Variants in SLC26A3 observed in about 807,000 individuals in gnomAD.
The protein encoded by SLC26A3 is solute carrier family 26 member 3, also known as chloride anion exchanger.
SLC26A3 carries 64 observed loss-of-function variants against 85.6 expected under a neutral mutation model. That is an observed-to-expected ratio of 0.75 (90% CI 0.61 to 0.92). The LOEUF is 0.92. Among genes scored for constraint, SLC26A3 ranks in the 40% least tolerant of loss-of-function variants. The pLI, the probability that SLC26A3 is intolerant of heterozygous loss-of-function variation, is 0.00. For synonymous variants in SLC26A3, 349 were observed against 336.0 expected (o/e 1.04, Z -0.42); for missense variants, 922 against 927.3 (o/e 0.99, Z 0.07).
rs1562878297 is a variant in SLC26A3 at position 107,782,884 on chromosome 7, T to C, written c.1234-10A>G. On this transcript the variant is annotated splice_polypyrimidine_tract_variant and intron_variant, in intron 10 of 20. Coordinates refer to ENST00000340010, the MANE Select transcript of SLC26A3 (RefSeq NM_000111.3). ...CAATAAGCCCAGCAATCTGTGAGGA[T>C]AAAAAAATTATCATCACCAACTCAA... 1 of 1,614,020 alleles carries C rather than the reference T, an allele frequency of 6.2e-7. No individual in the cohort carries two copies. Among genetic ancestry groups the C allele is most frequent in the Non-Finnish European group, 8.5e-7 (1 of 1,179,958 alleles).
At chr7:107,779,787 T>C in intron 11 of SLC26A3, 24 bp from the exon 12 acceptor site, 6 of 1,585,500 alleles carry the variant, frequency 3.8e-6, no homozygotes, top group Non-Finnish European at 5.2e-6. Context: ...AAACATCAGA[T>C]GTACTTTAAG....
At chr7:107,797,288 G>T (rs1407632663) in intron 1 of SLC26A3, among the ~76,000 whole-genome samples, 1 of 152,176 alleles carries the variant, frequency 6.6e-6, no homozygotes, top group Non-Finnish European at 1.5e-5. Context: ...GAGGTCAGGG[G>T]TTCAAGACCA....
At position 107,772,093 on chromosome 7, in the gene SLC26A3, T is replaced by A. The variant is rs754158974; in HGVS notation, c.2023A>T (p.Ile675Phe). 4 of 1,610,648 alleles carry A rather than the reference T, an allele frequency of 2.5e-6. No homozygotes were observed. The Admixed American group carries it at 5.0e-5, about 20-fold the overall frequency. The change falls in exon 18 of 21, where the codon ATC becomes TTC. Residue 675 changes from isoleucine to phenylalanine, a missense_variant. Transcript: ENST00000340010. ...ATATACACATCTACCTTGATCCTGA[T>A]AAATTCTTGCAAAATCTGTTAAAAA... ...RGLKSILQEF[I>F]RIKVDVYIVG...
chr7:107,781,608 T>TCTATTTC, intron 11 of SLC26A3, among the ~76,000 whole-genome samples: 1 of 152,278 alleles, frequency 6.6e-6, no homozygotes, highest in Middle Eastern at 3.4e-3. Context: ...AGTGGTGACT[T>TCTATTTC]TTTCATTCCT....
At chr7:107,793,614 G>T in intron 3 of SLC26A3, 128 bp downstream of exon 3, 1 of 722,060 alleles carries the variant, frequency 1.4e-6, no homozygotes, top group South Asian at 1.9e-5. Context: ...TGGTGGTGGT[G>T]AAAATGTTCC....
At position 107,765,871 on chromosome 7, in the gene SLC26A3, ACT is replaced by A. The variant is rs1793905074; in HGVS notation, c.2277_2278del (p.Val760Ter). Reference sequence around the variant, plus strand: ...ATATGTTGATTAGAATTTTGTTTCAACTGGCACCTGGAAGAAGACAGAAAGTT... The same window carrying A: ...ATATGTTGATTAGAATTTTGTTTCAAGGCACCTGGAAGAAGACAGAAAGTT... On this transcript the variant is annotated frameshift_variant, in exon 21 of 21. Coordinates refer to ENST00000340010, the MANE Select transcript of SLC26A3 (RefSeq NM_000111.3). LOFTEE classifies it high-confidence loss of function. The A allele has an allele frequency of 6.2e-7, 1 of 1,611,374 alleles. No homozygotes were observed. Among genetic ancestry groups the A allele is most frequent in the Non-Finnish European group, 8.5e-7 (1 of 1,177,970 alleles).
intron 5 of SLC26A3, 104 bp from the exon 6 acceptor site, chr7:107,789,792 A>G: frequency 1.6e-6 from 2 of 1,216,076 alleles, no homozygotes; most frequent in South Asian, 2.7e-5. Flanking sequence ...TAAAGGCTCA[A>G]CCTGTATGTA....
chr7:107,802,301 G>C (rs1794613409), intron 1 of SLC26A3, among the ~76,000 whole-genome samples: 1 of 151,984 alleles, frequency 6.6e-6, no homozygotes, highest in Non-Finnish European at 1.5e-5. Context: ...AGTTAGTAAT[G>C]TATGGGATAA....
chr7:107,778,070 C>A, intron 13 of SLC26A3, 105 bp downstream of exon 13: 1 of 780,318 alleles, frequency 1.3e-6, no homozygotes, highest in South Asian at 1.5e-5. Flanking sequence ...TAGAAATGCA[C>A]ACCTATCAAC....
At chr7:107,775,232 C>T (rs1253954733) in intron 15 of SLC26A3, among the ~76,000 whole-genome samples, 2 of 152,038 alleles carry the variant, frequency 1.3e-5, no homozygotes. Flanking sequence ...ACGAGTTGCA[C>T]CTACATAAGT....
At position 107,774,803 on chromosome 7, in the gene SLC26A3, T is replaced by A; in HGVS notation, c.1747A>T (p.Lys583Ter). ...KALRKIRKLQ[K>*]QGLLQVTPKG... Reference sequence around the variant, plus strand: ...GGTGTCACTTGTAGCAAGCCTTGCTTCTGCAGTTTTCGGATTTTCCTCAAA... The same window carrying A: ...GGTGTCACTTGTAGCAAGCCTTGCTACTGCAGTTTTCGGATTTTCCTCAAA... The change falls in exon 16 of 21, where the codon AAG becomes TAG. Residue 583 changes from lysine (K) to a stop codon, truncating the protein, a stop_gained. Transcript: ENST00000340010. LOFTEE classifies it high-confidence loss of function. 6.2e-7 allele frequency: 1 copy of A among 1,614,118 alleles called. No homozygotes were observed. The highest frequency in any genetic ancestry group is 8.5e-7 in the Non-Finnish European group (1 of 1,179,958).
intron 15 of SLC26A3, 50 bp from the exon 16 acceptor site, chr7:107,774,922 A>G (rs757788273): frequency 1.5e-6 from 2 of 1,345,976 alleles, no homozygotes; most frequent in Non-Finnish European, 2.1e-6. Context: ...TCTGTTATTT[A>G]TATAGCATAG....
Position 107,791,933 on chromosome 7 carries a change from T to C in SLC26A3, c.279A>G (p.Ala93=). 1 of 1,598,532 alleles carries C rather than the reference T, an allele frequency of 6.3e-7. No homozygotes were observed. Residue 93 remains alanine (A), a synonymous_variant, in exon 4 of 21, where the codon GCA becomes GCG. Transcript: ENST00000340010. ...GGGGAATGTCGACCAGCAGAGCAAA[T>C]GCTAAACCTGTAAACACACAAGCAG... is the stretch of plus-strand genomic sequence containing the variant. ...TGIVAVLQGL[A]FALLVDIPPV... is the part of the protein sequence containing the mutation.
At chr7:107,793,050 C>T (rs1211106696) in intron 3 of SLC26A3, among the ~76,000 whole-genome samples, 1 of 152,186 alleles carries the variant, frequency 6.6e-6, no homozygotes, top group African/African-American at 2.4e-5. Flanking sequence ...TACCACTTCA[C>T]ACTCACTGGG....
rs113222661 is a variant in SLC26A3, at chr7:107,796,211, C to G, written c.-88-1614G>C. On this transcript the variant is annotated intron_variant, in intron 1 of 20. Transcript: ENST00000340010. ...TGGCCTCTTAACTCCTAGGCTCAAGCGGTCCTCCTGTCTCCTGAGTAGCTG... is the reference window on the plus strand; with the variant it reads ...TGGCCTCTTAACTCCTAGGCTCAAGGGGTCCTCCTGTCTCCTGAGTAGCTG... Among the ~76,000 whole-genome samples the G allele has an allele frequency of 8.8e-4, 134 of 151,986 alleles. 1 individual carries two copies. The highest frequency in any genetic ancestry group is 1.6e-3 in the Non-Finnish European group (106 of 67,980).
intron 15 of SLC26A3, chr7:107,776,117 T>A (rs1239862344): frequency 1.6e-5 from 6 of 372,322 alleles, no homozygotes; most frequent in Non-Finnish European, 3.0e-5. Flanking sequence ...TCCTTCATTG[T>A]TTCTGAAGTT....
chr7:107,794,005 A>G, intron 2 of SLC26A3, 124 bp from the exon 3 acceptor site: 6 of 1,276,630 alleles, frequency 4.7e-6, no homozygotes, highest in Non-Finnish European at 6.7e-6. Flanking sequence ...CACTCCCAGT[A>G]ACATTCTTTA....
intron 8 of SLC26A3, among the ~76,000 whole-genome samples, chr7:107,785,360 C>T (rs1485925934): frequency 6.6e-6 from 1 of 152,192 alleles, no homozygotes; most frequent in Non-Finnish European, 1.5e-5. Flanking sequence ...TACTAGGTTA[C>T]ACTGCCACTC....
intron 3 of SLC26A3, among the ~76,000 whole-genome samples, chr7:107,792,194 A>G (rs1042533253): frequency 6.6e-6 from 1 of 152,122 alleles, no homozygotes; most frequent in Non-Finnish European, 1.5e-5. Flanking sequence ...GCAGTCCCCA[A>G]CCTTTTTGGC....
Sources: gnomAD v4.1 joint callset for allele counts (sites outside exome capture counted in the v4.1 genomes callset) on GRCh38, gnomAD v4.1.1 for gene constraint, MANE v1.5 for transcripts, NCBI Gene and HGNC (gene_info 2026-07-23, HGNC 2026-07-21) for gene names.